PTPRK: variants seen among roughly 807,000 people sequenced by gnomAD.
The protein encoded by PTPRK is receptor-type tyrosine-protein phosphatase kappa.
In PTPRK, 75 loss-of-function variants were observed where a neutral mutation model predicts 178.0. That is an observed-to-expected ratio of 0.42 (90% CI 0.35 to 0.51). The LOEUF (loss-of-function observed/expected upper bound fraction) is 0.51, where lower values mean the gene tolerates loss of function less well. Ranked by LOEUF, PTPRK falls within the 20% of genes least tolerant of loss-of-function variation. The probability of loss-of-function intolerance (pLI) is 0.02; values close to 1 mark genes in which losing one functional copy is unlikely to be tolerated. For synonymous variants in PTPRK, 637 were observed against 620.6 expected (o/e 1.03, Z -0.39); for missense variants, 1,441 against 1,797.8 (o/e 0.80, Z 3.59).
At chr6:128,256,426 G>A (rs1033783791) in intron 3 of PTPRK, among the ~76,000 whole-genome samples, 1 of 151,786 alleles carries the variant, frequency 6.6e-6, no homozygotes, top group Non-Finnish European at 1.5e-5. Context: ...AAGAGAAAGA[G>A]TAGGCAAACT....
intron 1 of PTPRK, among the ~76,000 whole-genome samples, chr6:128,505,170 C>A (rs1856142854): frequency 6.8e-6 from 1 of 147,778 alleles, no homozygotes; most frequent in Non-Finnish European, 1.5e-5. Flanking sequence ...GTGGCGAAAT[C>A]TCGGCTCGCT....
chr6:128,169,783 A>ATG (rs10552787), intron 7 of PTPRK, among the ~76,000 whole-genome samples: 2,267 of 145,528 alleles, frequency 0.016, 40 homozygotes, highest in African/African-American at 0.038. Context: ...TATTTTTTTA[A>ATG]TGTGTGTGTG....
At chr6:128,250,685 T>A (rs1816325271) in intron 3 of PTPRK, among the ~76,000 whole-genome samples, 2 of 152,186 alleles carry the variant, frequency 1.3e-5, no homozygotes, top group South Asian at 4.1e-4. Context: ...AACAGCTAAA[T>A]AATGCTATAA....
intron 1 of PTPRK, among the ~76,000 whole-genome samples, chr6:128,449,549 C>G (rs544276027): frequency 6.6e-6 from 1 of 152,166 alleles, no homozygotes; most frequent in African/African-American, 2.4e-5. Flanking sequence ...AGTAGAAAAT[C>G]CTAGAAGAAA....
chr6:128,331,349 A>G (rs17055719), intron 2 of PTPRK, among the ~76,000 whole-genome samples: 12,185 of 152,234 alleles, frequency 0.08, 574 homozygotes, highest in African/African-American at 0.12. Flanking sequence ...AAGCTTTTTA[A>G]GATTAGAAAC....
At chr6:128,346,434 T>G (rs1002435214) in intron 2 of PTPRK, among the ~76,000 whole-genome samples, 7 of 152,090 alleles carry the variant, frequency 4.6e-5, no homozygotes, top group African/African-American at 1.7e-4. Flanking sequence ...TATAGTATAA[T>G]ATATAGCCAA....
chr6:128,238,279 T>C (rs1358839337), intron 5 of PTPRK: 2 of 366,396 alleles, frequency 5.5e-6, no homozygotes, highest in Non-Finnish European at 1.0e-5. Flanking sequence ...CTCTCATCTT[T>C]GCTACAAAAA....
At chr6:128,084,810 T>A in intron 8 of PTPRK, 1 of 152,200 alleles carries the variant, frequency 6.6e-6, no homozygotes, top group East Asian at 1.9e-4. Flanking sequence ...TCTATCCTAC[T>A]TGGCTAAAAA....
intron 2 of PTPRK, among the ~76,000 whole-genome samples, chr6:128,339,927 T>C (rs1831443942): frequency 6.6e-6 from 1 of 152,096 alleles, no homozygotes; most frequent in Non-Finnish European, 1.5e-5. Context: ...AGAGAGGTAG[T>C]TTTGGCCACT....
chr6:128,495,704 A>T (rs1464828633), intron 1 of PTPRK, among the ~76,000 whole-genome samples: 1 of 152,188 alleles, frequency 6.6e-6, no homozygotes, highest in East Asian at 1.9e-4. Context: ...ACTGAGGGCG[A>T]TACTTATGAA....
chr6:128,076,581 G>A (rs893022399), intron 11 of PTPRK, among the ~76,000 whole-genome samples: 2 of 151,950 alleles, frequency 1.3e-5, no homozygotes, highest in African/African-American at 4.8e-5. Flanking sequence ...ACTTCTTCTT[G>A]TAATATTCCA....
chr6:128,194,949 T>C (rs916269020), intron 6 of PTPRK, among the ~76,000 whole-genome samples: 1 of 151,852 alleles, frequency 6.6e-6, no homozygotes, highest in African/African-American at 2.4e-5. Context: ...ATATCAATTT[T>C]AAAAAAAACC....
chr6:128,245,720 C>A (rs1171183715), intron 3 of PTPRK, among the ~76,000 whole-genome samples: 2 of 152,128 alleles, frequency 1.3e-5, no homozygotes, highest in African/African-American at 4.8e-5. Flanking sequence ...TTACATTTCA[C>A]ATAAATGTAT....
chr6:128,494,201 TAAAAAAAAAA>T (rs11301155), intron 1 of PTPRK, among the ~76,000 whole-genome samples: 1 of 112,940 alleles, frequency 8.9e-6, no homozygotes, highest in Non-Finnish European at 1.8e-5. Context: ...CCCTGTATCT[TAAAAAAAAAA>T]AAAAAAAAAA....
chr6:128,081,749 T>C (rs971518522), intron 10 of PTPRK, among the ~76,000 whole-genome samples: 3 of 152,050 alleles, frequency 2.0e-5, no homozygotes, highest in Non-Finnish European at 4.4e-5. Context: ...ATATAAACTT[T>C]AGTAGATTTA....
At chr6:128,044,861 T>C (rs1259544971) in intron 13 of PTPRK, among the ~76,000 whole-genome samples, 1 of 152,080 alleles carries the variant, frequency 6.6e-6, no homozygotes, top group Non-Finnish European at 1.5e-5. Context: ...AGTATACATA[T>C]AGTTGGTTTC....
intron 1 of PTPRK, among the ~76,000 whole-genome samples, chr6:128,419,662 A>G (rs902802371): frequency 2.0e-5 from 3 of 152,184 alleles, no homozygotes; most frequent in African/African-American, 7.2e-5. Flanking sequence ...ATGGAAATTC[A>G]ATAGGAAACC....
At chr6:128,111,578 G>C (rs574624502) in intron 7 of PTPRK, among the ~76,000 whole-genome samples, 32 of 151,714 alleles carry the variant, frequency 2.1e-4, no homozygotes, top group Non-Finnish European at 3.1e-4. Context: ...TGGAAATGTA[G>C]TTTTATGCTT....
intron 3 of PTPRK, among the ~76,000 whole-genome samples, chr6:128,253,654 G>A (rs545593034): frequency 6.6e-6 from 1 of 152,288 alleles, no homozygotes; most frequent in Admixed American, 6.5e-5. Context: ...CATAGCAGAA[G>A]TAGATCACTT....
Sources: allele counts gnomAD v4.1 joint callset (sites outside exome capture counted in the v4.1 genomes callset), GRCh38; gene constraint gnomAD v4.1.1; transcripts MANE v1.5; gene names NCBI Gene and HGNC (gene_info 2026-07-23, HGNC 2026-07-21).